The following MATN2 variants were observed in gnomAD, a reference collection of about 807,000 sequenced individuals.
The protein encoded by MATN2 is matrilin 2.
MATN2 carries 69 observed loss-of-function variants against 103.2 expected under a neutral mutation model. The observed-to-expected ratio is 0.67, with a 90% confidence interval of 0.55 to 0.82. MATN2 has a LOEUF of 0.82. Among genes scored for constraint, MATN2 ranks in the 40% least tolerant of loss-of-function variants. The pLI is 0.00. For missense variants in MATN2, 1,023 were observed against 1,211.5 expected (o/e 0.84, Z 2.31); for synonymous variants, 429 against 450.2 (o/e 0.95, Z 0.60).
At chr8:98,013,061 T>C (rs545289299) in intron 10 of MATN2, among the ~76,000 whole-genome samples, 5 of 152,134 alleles carry the variant, frequency 3.3e-5, no homozygotes, top group Admixed American at 1.3e-4. Flanking sequence ...GAGTCAGGGG[T>C]GGTGGCTCTG....
chr8:97,908,776 T>C (rs139992534), intron 2 of MATN2, among the ~76,000 whole-genome samples: 3,405 of 152,206 alleles, frequency 0.022, 48 homozygotes, highest in Middle Eastern at 0.054. Flanking sequence ...GGACTATAGG[T>C]GCGCCACCGT....
intron 4 of MATN2, among the ~76,000 whole-genome samples, chr8:97,952,713 C>A (rs77140983): frequency 1.3e-5 from 2 of 152,100 alleles, no homozygotes; most frequent in African/African-American, 4.8e-5. Context: ...CTGAAACAAG[C>A]GAGCAGATTT....
intron 2 of MATN2, among the ~76,000 whole-genome samples, chr8:97,928,032 C>T (rs1810048827): frequency 6.6e-6 from 1 of 152,092 alleles, no homozygotes. Context: ...GTCACACTCT[C>T]CCTGCAGTAA....
At position 98,007,562 on chromosome 8, in the gene MATN2, G is replaced by C. The variant is rs369974305; in HGVS notation, c.1534G>C (p.Glu512Gln). 29 of 1,613,040 alleles carry C rather than the reference G, an allele frequency of 1.8e-5. No homozygotes were observed. The highest frequency in any genetic ancestry group is 2.2e-5 in the Non-Finnish European group (26 of 1,179,162). ...MDRSFACQCP[E>Q]GHVLRSDGKT... Reference sequence around the variant, plus strand: ...CAGATCCTTTGCCTGTCAGTGTCCTGAGGGACACGTGCTCCGCAGCGATGG... The same window carrying C: ...CAGATCCTTTGCCTGTCAGTGTCCTCAGGGACACGTGCTCCGCAGCGATGG... Residue 512 changes from glutamate to glutamine, a missense_variant, in exon 10 of 19, where the codon GAG (glutamate) becomes CAG (glutamine). Transcript: ENST00000254898. The surrounding 1 kb of genome is among the most constrained non-coding windows in gnomAD (Gnocchi z 4.2).
chr8:97,881,913 C>CTTTTTTTTTTTTTTTTT (rs34704905), intron 1 of MATN2, among the ~76,000 whole-genome samples: 1 of 84,090 alleles, frequency 1.2e-5, no homozygotes, highest in African/African-American at 4.6e-5. Context: ...TATTACTTAT[C>CTTTTTTTTTTTTTTTTT]TTTTTTTTTT....
At position 98,003,686 on chromosome 8, in the gene MATN2, A is replaced by T; in HGVS notation, c.1230A>T (p.Lys410Asn). The T allele has an allele frequency of 1.2e-6, 2 of 1,613,574 alleles. No homozygotes were observed. The highest frequency in any genetic ancestry group is 1.7e-6 in the Non-Finnish European group (2 of 1,179,664). The change falls in exon 8 of 19, where the codon AAA (lysine) becomes AAT (asparagine). Residue 410 changes from lysine to asparagine, a missense_variant. Physicochemically the swap from Lys to Asn is moderately conservative, Grantham distance 94. Transcript: ENST00000254898. The part of the protein sequence containing the change: ...CRRINYCALN[K>N]PGCEHECVNM... ...GGATCAACTACTGTGCACTGAACAA[A>T]CCGGGCTGTGAGCATGAGTGCGTCA...
At chr8:98,009,381 G>A (rs550084190) in intron 10 of MATN2, among the ~76,000 whole-genome samples, 3 of 152,334 alleles carry the variant, frequency 2.0e-5, no homozygotes, top group Admixed American at 2.0e-4. Context: ...CAGACGACAT[G>A]ACTGCACCTA....
At chr8:97,924,193 C>T (rs1044285361) in intron 2 of MATN2, among the ~76,000 whole-genome samples, 1 of 152,178 alleles carries the variant, frequency 6.6e-6, no homozygotes, top group African/African-American at 2.4e-5. Flanking sequence ...GCCTGCCCCC[C>T]ATATCTGTGT....
chr8:97,980,983 C>A lies in MATN2; in HGVS notation c.1081+1975C>A, dbSNP rs559038539. On this transcript the variant is annotated intron_variant, in intron 6 of 18. Coordinates refer to ENST00000254898, the MANE Select transcript of MATN2 (RefSeq NM_002380.5). ...TTGAGCCCAGGAGTTTGAGACCAGC[C>A]CTGGTAATATGGAGGGACCCTATTT... Among the ~76,000 whole-genome samples, 7 of 151,962 alleles carry A rather than the reference C, an allele frequency of 4.6e-5. No individual in the cohort carries two copies. In the South Asian group the frequency reaches 1.5e-3, roughly 32 times the overall value.
In MATN2 at chr8:98,021,139, C is replaced by T. The variant is rs1813575297; in HGVS notation, c.1820-66C>T. On this transcript the variant is annotated intron_variant, in intron 12 of 18. Coordinates refer to ENST00000254898, the MANE Select transcript of MATN2 (RefSeq NM_002380.5). ...AGATTACTTCCACAATCTCTACTCACATGACTATTCAATTCACCTCATTTC... is the reference window on the plus strand; with the variant it reads ...AGATTACTTCCACAATCTCTACTCATATGACTATTCAATTCACCTCATTTC... 2.0e-6 allele frequency: 3 copies of T among 1,503,288 alleles called. No individual in the cohort carries two copies. The East Asian group carries it at 6.9e-5, about 35-fold the overall frequency. The allele number at this position is 1,503,288 out of a possible 1,614,324, so 93.1% of individuals were successfully genotyped here.
At chr8:97,881,913 CTTTTTTTTTTTTTTT>C (rs34704905) in intron 1 of MATN2, among the ~76,000 whole-genome samples, 1 of 84,090 alleles carries the variant, frequency 1.2e-5, no homozygotes, top group East Asian at 3.9e-4. Flanking sequence ...TATTACTTAT[CTTTTTTTTTTTTTTT>C]TTTTTTTTGA....
At chr8:97,912,694 A>T (rs1809487432) in intron 2 of MATN2, among the ~76,000 whole-genome samples, 1 of 152,100 alleles carries the variant, frequency 6.6e-6, no homozygotes, top group South Asian at 2.1e-4. Flanking sequence ...ACCTTGGGTG[A>T]CTAGGCCTTC....
intron 12 of MATN2, among the ~76,000 whole-genome samples, chr8:98,019,110 T>G (rs1301471510): frequency 6.7e-6 from 1 of 149,736 alleles, no homozygotes; most frequent in Non-Finnish European, 1.5e-5. Context: ...TCATAGAAGA[T>G]ATATATATAT....
rs1812875165 is a variant in MATN2 at position 98,004,041 on chromosome 8, C to T, written c.1327+258C>T. 3 of 377,632 alleles carry T rather than the reference C, an allele frequency of 7.9e-6. No homozygotes were observed. The East Asian group carries it at 1.8e-4, about 23-fold the overall frequency. The allele number at this position is 377,632 out of a possible 1,614,324, so 23.4% of individuals were successfully genotyped here. A position where few individuals can be genotyped will look rare whatever the true frequency, so the allele number is the denominator to read the frequency against. On this transcript the variant is annotated intron_variant, in intron 8 of 18. Coordinates refer to ENST00000254898, the MANE Select transcript of MATN2 (RefSeq NM_002380.5). ...CGGTGGCTCACGCCTGTAATCCCAG[C>T]ACAGGGAGGCCAAGGCGGGCAGATC...
chr8:97,914,358 C>CTTTTTTTT (rs149996231), intron 2 of MATN2, among the ~76,000 whole-genome samples: 1 of 52,936 alleles, frequency 1.9e-5, no homozygotes, highest in Non-Finnish European at 3.2e-5. Context: ...AAATCCAGAC[C>CTTTTTTTT]TTTTTTTTTT....
At chr8:97,991,550 C>T (rs1331398143) in intron 6 of MATN2, among the ~76,000 whole-genome samples, 5 of 152,196 alleles carry the variant, frequency 3.3e-5, no homozygotes, top group Admixed American at 2.0e-4. Context: ...GGTGAAACCC[C>T]GTCTCTACTA....
chr8:97,941,336 T>C (rs2130181469), intron 3 of MATN2, among the ~76,000 whole-genome samples: 1 of 152,306 alleles, frequency 6.6e-6, no homozygotes, highest in South Asian at 2.1e-4. Context: ...AACATGATTT[T>C]GAGAAACTGT....
chr8:97,882,318 T>C (rs1408147605), intron 1 of MATN2, among the ~76,000 whole-genome samples: 2 of 152,036 alleles, frequency 1.3e-5, no homozygotes, highest in Non-Finnish European at 2.9e-5. Flanking sequence ...AAATATTTTA[T>C]ATTAAAAATA....
At position 97,931,196 on chromosome 8, in the gene MATN2, A is replaced by T. The variant is rs766649130; in HGVS notation, c.386A>T (p.His129Leu). The stretch of plus-strand genomic sequence containing the variant: ...GAGCGTGCTGTCAAGAGGATGCGGC[A>T]TCTGTCCACGGGCACCATGACTGGG... ...EVERAVKRMR[H>L]LSTGTMTGLA... The change falls in exon 3 of 19, where the codon CAT becomes CTT. Residue 129 changes from histidine (H) to leucine (L), a missense_variant. His to Leu is a moderately conservative substitution (Grantham distance 99). Coordinates refer to ENST00000254898, the MANE Select transcript of MATN2 (RefSeq NM_002380.5). This position sits in a 1 kb window ranked among gnomAD's most constrained non-coding sequence, Gnocchi z 4.1. The T allele has an allele frequency of 6.2e-7, 1 of 1,613,160 alleles. No homozygotes were observed. Among genetic ancestry groups the T allele is most frequent in the Non-Finnish European group, 8.5e-7 (1 of 1,179,274 alleles).
Sources: gnomAD v4.1 joint callset for allele counts (sites outside exome capture counted in the v4.1 genomes callset) on GRCh38, gnomAD v4.1.1 for gene constraint, Gnocchi (gnomAD v3.1) non-coding constraint, MANE v1.5 for transcripts, NCBI Gene and HGNC (gene_info 2026-07-23, HGNC 2026-07-21) for gene names.